PRIM2: variants seen among roughly 807,000 people sequenced by gnomAD.
PRIM2 encodes DNA primase subunit 2, also known as DNA primase large subunit.
In PRIM2, 39 loss-of-function variants were observed where a neutral mutation model predicts 67.3. That is an observed-to-expected ratio of 0.58 (90% CI 0.45 to 0.76). The LOEUF is 0.76. Among genes scored for constraint, PRIM2 ranks in the 30% least tolerant of loss-of-function variants. PRIM2 has a pLI of 0.00. For missense variants in PRIM2, 398 were observed against 598.7 expected, an observed-to-expected ratio of 0.66 and a Z score of 3.50; for synonymous variants, 143 against 198.7, an observed-to-expected ratio of 0.72 and a Z score of 2.36.
At chr6:57,507,924 T>C (rs1774282918) in intron 8 of PRIM2, among the ~76,000 whole-genome samples, 1 of 152,202 alleles carries the variant, frequency 6.6e-6, no homozygotes, top group Non-Finnish European at 1.5e-5. Flanking sequence ...TTATCCTTTC[T>C]ATGTTTTTTA....
intron 5 of PRIM2, among the ~76,000 whole-genome samples, chr6:57,366,692 G>A (rs917223161): frequency 9.9e-5 from 15 of 152,246 alleles, no homozygotes; most frequent in East Asian, 9.7e-4. Context: ...AGTACTGGAA[G>A]TCCCACATCC....
At chr6:57,305,273 ACAT>A in the PRIM2 span, among the ~76,000 whole-genome samples, 3 of 152,218 alleles carry the variant, frequency 2.0e-5, no homozygotes, top group Non-Finnish European at 4.4e-5. Context: ...GAGTGAAAAC[ACAT>A]CTTCTGTGAA....
intron 8 of PRIM2, among the ~76,000 whole-genome samples, chr6:57,523,760 T>C (rs1380791456): frequency 5.3e-5 from 8 of 152,084 alleles, no homozygotes; most frequent in African/African-American, 1.7e-4. Context: ...ATGAGACCCA[T>C]AAATCCACTT....
chr6:57,636,154 A>G (rs1777118076), intron 13 of PRIM2, among the ~76,000 whole-genome samples: 1 of 152,152 alleles, frequency 6.6e-6, no homozygotes, highest in Non-Finnish European at 1.5e-5. Context: ...TAAATCATCA[A>G]CCACAAAGAA....
the PRIM2 span, among the ~76,000 whole-genome samples, chr6:57,271,309 T>C: frequency 6.6e-6 from 1 of 152,340 alleles, no homozygotes; most frequent in East Asian, 1.9e-4. Flanking sequence ...TTTCAGAGCC[T>C]GTTATTGGTC....
At chr6:57,228,184 T>C in the PRIM2 span, among the ~76,000 whole-genome samples, 1 of 152,326 alleles carries the variant, frequency 6.6e-6, no homozygotes, top group African/African-American at 2.4e-5. Flanking sequence ...TAAATAAAAA[T>C]GTTCTGTCTT....
chr6:57,475,012 G>A (rs1773441843), intron 7 of PRIM2, among the ~76,000 whole-genome samples: 1 of 152,094 alleles, frequency 6.6e-6, no homozygotes, highest in Non-Finnish European at 1.5e-5. Context: ...TCTGGGCATC[G>A]TTTATTTGCG....
intron 10 of PRIM2, among the ~76,000 whole-genome samples, chr6:57,543,902 C>A (rs1775232502): frequency 6.6e-6 from 1 of 152,030 alleles, no homozygotes. Context: ...CTCTAGATAC[C>A]TTTTATTAAG....
intron 10 of PRIM2, among the ~76,000 whole-genome samples, chr6:57,541,941 C>T (rs1271436584): frequency 2.0e-5 from 3 of 151,684 alleles, no homozygotes; most frequent in African/African-American, 7.3e-5. Flanking sequence ...ATCTCATGGC[C>T]CAGTGAAGAG....
intron 10 of PRIM2, among the ~76,000 whole-genome samples, chr6:57,579,302 A>G (rs1266014977): frequency 6.6e-6 from 1 of 152,130 alleles, no homozygotes; most frequent in Non-Finnish European, 1.5e-5. Context: ...TTATAGATCC[A>G]TGTTTTTTTT....
intron 10 of PRIM2, among the ~76,000 whole-genome samples, chr6:57,539,625 T>C (rs1383931415): frequency 3.2e-5 from 2 of 63,000 alleles, no homozygotes; most frequent in Admixed American, 1.6e-4. Context: ...TGTGTGTGTG[T>C]GTGTGTGTGT....
At chr6:57,407,471 T>G (rs1770930583) in intron 7 of PRIM2, among the ~76,000 whole-genome samples, 1 of 151,454 alleles carries the variant, frequency 6.6e-6, no homozygotes, top group Non-Finnish European at 1.5e-5. Context: ...TGGGTTTTTT[T>G]TTTGTGTGTG....
intron 9 of PRIM2, among the ~76,000 whole-genome samples, chr6:57,536,492 A>G (rs1444337735): frequency 6.6e-6 from 1 of 152,212 alleles, no homozygotes; most frequent in Non-Finnish European, 1.5e-5. Context: ...CAGCAATTGT[A>G]CTTTTATCTC....
chr6:57,494,255 G>A (rs1773956760), intron 7 of PRIM2, among the ~76,000 whole-genome samples: 3 of 152,074 alleles, frequency 2.0e-5, no homozygotes, highest in Admixed American at 6.6e-5. Flanking sequence ...ATTCCATCAC[G>A]AAAGTGGCAG....
At chr6:57,635,794 T>C (rs1236731845) in intron 13 of PRIM2, among the ~76,000 whole-genome samples, 3 of 152,176 alleles carry the variant, frequency 2.0e-5, no homozygotes, top group African/African-American at 7.2e-5. Flanking sequence ...ATCACTGCAA[T>C]AGCTTCCTAA....
the PRIM2 span, among the ~76,000 whole-genome samples, chr6:57,258,277 A>G: frequency 1.3e-5 from 2 of 152,100 alleles, no homozygotes; most frequent in Non-Finnish European, 2.9e-5. Context: ...TTGAACCCGT[A>G]AAGTATGAGG....
chr6:57,520,204 GGAACAAATGT>G (rs1370053983), intron 8 of PRIM2, among the ~76,000 whole-genome samples: 2 of 152,124 alleles, frequency 1.3e-5, no homozygotes, highest in Non-Finnish European at 2.9e-5. Flanking sequence ...CAGTTATTGG[GGAACAAATGT>G]GAGGGGATAA....
intron 7 of PRIM2, among the ~76,000 whole-genome samples, chr6:57,471,197 G>C (rs1192596809): frequency 6.6e-6 from 1 of 152,052 alleles, no homozygotes; most frequent in African/African-American, 2.4e-5. Context: ...ACTGTGAGCT[G>C]TGGTATGGGC....
chr6:57,418,383 G>GGGTTT (rs1554336216), intron 7 of PRIM2, among the ~76,000 whole-genome samples: 1 of 47,228 alleles, frequency 2.1e-5, no homozygotes. Context: ...TATGTGTGTG[G>GGGTTT]TTTTTTTTTT....
Sources: gnomAD v4.1 joint callset for allele counts (sites outside exome capture counted in the v4.1 genomes callset) on GRCh38, gnomAD v4.1.1 for gene constraint, MANE v1.5 for transcripts, NCBI Gene and HGNC (gene_info 2026-07-23, HGNC 2026-07-21) for gene names.